The following DLG2 variants were observed in gnomAD, a reference collection of about 807,000 sequenced individuals.
DLG2 encodes the protein discs large MAGUK scaffold protein 2.
Under a neutral mutation model 132.5 loss-of-function variants are expected in DLG2, and 45 were observed. The ratio of observed to expected loss-of-function variants is 0.34; its 90% CI spans 0.27 to 0.44. The LOEUF is 0.44. DLG2 is among the 20% of genes least tolerant of loss of function. DLG2 has a pLI of 1.00. For synonymous variants in DLG2, 424 were observed against 419.6 expected, an observed-to-expected ratio of 1.01 and a Z score of -0.13; for missense variants, 1,045 against 1,196.9, an observed-to-expected ratio of 0.87 and a Z score of 1.87.
At chr11:84,754,451 T>C (rs576627215) in intron 6 of DLG2, among the ~76,000 whole-genome samples, 12 of 152,276 alleles carry the variant, frequency 7.9e-5, no homozygotes, top group Admixed American at 6.5e-4. Flanking sequence ...TCTTATTTAA[T>C]AGATAAATAA....
chr11:83,907,002 G>A (rs1320636209), intron 15 of DLG2, among the ~76,000 whole-genome samples: 1 of 152,170 alleles, frequency 6.6e-6, no homozygotes, highest in Non-Finnish European at 1.5e-5. Context: ...TAAGAAGGAA[G>A]AGCCAGTTTC....
At chr11:85,269,310 C>T (rs2077390208) in intron 4 of DLG2, among the ~76,000 whole-genome samples, 1 of 152,202 alleles carries the variant, frequency 6.6e-6, no homozygotes, top group African/African-American at 2.4e-5. Flanking sequence ...GGTTGGCCTG[C>T]TCAGGTCTTT....
At chr11:85,020,928 C>A in intron 6 of DLG2, 1 of 771,552 alleles carries the variant, frequency 1.3e-6, no homozygotes, top group South Asian at 1.3e-5. Context: ...ATCTGCACCG[C>A]CCTCAGACTC....
chr11:84,502,230 CCTTCCTTCCTTCCTTCCTTCCTTCCT>C lies in DLG2; in HGVS notation c.519+32314_519+32339del, dbSNP rs2099213365. 9.0e-5 allele frequency among the ~76,000 whole-genome samples: 2 copies of C among 22,204 alleles called. 1 individual carries two copies. The highest frequency in any genetic ancestry group is 1.6e-4 in the Non-Finnish European group (2 of 12,486). The allele number at this position is 22,204 out of a possible 152,430, so 14.6% of individuals were successfully genotyped here. ...TCCTTCCTTCCTTCCTTCCTTCCTT[CCTTCCTTCCTTCCTTCCTTCCTTCCT>C]TCCTTCCTTCCTTCCTTCCTTCCTT... On this transcript the variant is annotated intron_variant, in intron 7 of 27. Transcript: ENST00000376104.
chr11:84,935,345 A>G (rs186514915), intron 6 of DLG2, among the ~76,000 whole-genome samples: 190 of 152,268 alleles, frequency 1.2e-3, no homozygotes, highest in African/African-American at 4.4e-3. Flanking sequence ...TCTGTTCCTC[A>G]CAAGTTTGCT....
At chr11:85,156,244 T>C (rs1346017184) in intron 4 of DLG2, among the ~76,000 whole-genome samples, 1 of 152,288 alleles carries the variant, frequency 6.6e-6, no homozygotes, top group Non-Finnish European at 1.5e-5. Flanking sequence ...TAAATGTATA[T>C]GTATATATAT....
chr11:84,497,777 A>G (rs2099188990), intron 7 of DLG2, among the ~76,000 whole-genome samples: 1 of 152,152 alleles, frequency 6.6e-6, no homozygotes, highest in Non-Finnish European at 1.5e-5. Flanking sequence ...TGACATTCAC[A>G]TGCCGTTATA....
At chr11:83,547,034 T>C (rs2096259952) in intron 19 of DLG2, among the ~76,000 whole-genome samples, 1 of 152,128 alleles carries the variant, frequency 6.6e-6, no homozygotes, top group Non-Finnish European at 1.5e-5. Context: ...AAGCAACTCT[T>C]TCCAGCTCAA....
intron 6 of DLG2, among the ~76,000 whole-genome samples, chr11:85,096,341 T>G (rs2069766110): frequency 1.3e-5 from 2 of 152,204 alleles, no homozygotes; most frequent in African/African-American, 4.8e-5. Context: ...TAACACTCAC[T>G]GCAAGGGTCT....
intron 3 of DLG2, among the ~76,000 whole-genome samples, chr11:85,446,369 T>G (rs1243253412): frequency 5.3e-5 from 8 of 152,218 alleles, no homozygotes; most frequent in Admixed American, 6.5e-5. Flanking sequence ...TATAGATTTC[T>G]AAGAGAAATT....
At chr11:84,088,680 C>A (rs1315218441) in intron 10 of DLG2, among the ~76,000 whole-genome samples, 1 of 152,112 alleles carries the variant, frequency 6.6e-6, no homozygotes, top group Non-Finnish European at 1.5e-5. Context: ...TCTATAAATA[C>A]AATTAGGGCT....
intron 7 of DLG2, among the ~76,000 whole-genome samples, chr11:84,375,187 T>C (rs1286538876): frequency 2.0e-5 from 3 of 152,182 alleles, no homozygotes; most frequent in African/African-American, 4.8e-5. Flanking sequence ...TATTAACTGA[T>C]TATGTGAATA....
chr11:85,277,437 A>T (rs1335682094), intron 4 of DLG2, among the ~76,000 whole-genome samples: 1 of 152,178 alleles, frequency 6.6e-6, no homozygotes, highest in Admixed American at 6.5e-5. Flanking sequence ...TATTTCTGGT[A>T]AGTATGAATG....
At chr11:83,791,241 C>A in intron 17 of DLG2, 1 of 655,584 alleles carries the variant, frequency 1.5e-6, no homozygotes, top group Admixed American at 2.5e-5. Context: ...TAAAGACTAT[C>A]GGTGCTGAGG....
intron 7 of DLG2, among the ~76,000 whole-genome samples, chr11:84,436,230 T>C (rs1307472788): frequency 6.6e-6 from 1 of 152,174 alleles, no homozygotes; most frequent in Non-Finnish European, 1.5e-5. Flanking sequence ...AGTTACGTTC[T>C]AAAATTGTCA....
At chr11:84,190,397 G>T (rs2096383221) in intron 8 of DLG2, among the ~76,000 whole-genome samples, 1 of 152,170 alleles carries the variant, frequency 6.6e-6, no homozygotes, top group South Asian at 2.1e-4. Context: ...AGGTTACAAA[G>T]TTGGATTTGG....
At chr11:83,660,423 C>A (rs1243393230) in intron 18 of DLG2, among the ~76,000 whole-genome samples, 1 of 152,122 alleles carries the variant, frequency 6.6e-6, no homozygotes, top group African/African-American at 2.4e-5. Context: ...ACAACAAAAT[C>A]CACATTGGTG....
chr11:84,250,103 CT>C (rs1193983932), intron 8 of DLG2, among the ~76,000 whole-genome samples: 1 of 152,174 alleles, frequency 6.6e-6, no homozygotes, highest in African/African-American at 2.4e-5. Flanking sequence ...ACTAGACACA[CT>C]TTGTTTGGCA....
intron 16 of DLG2, among the ~76,000 whole-genome samples, chr11:83,836,029 T>C (rs550987520): frequency 6.6e-6 from 1 of 152,198 alleles, no homozygotes; most frequent in East Asian, 1.9e-4. Context: ...GGCTGGCAAA[T>C]TGGAGACCGA....
Sources: allele counts gnomAD v4.1 joint callset (sites outside exome capture counted in the v4.1 genomes callset), GRCh38; gene constraint gnomAD v4.1.1; transcripts MANE v1.5; gene names NCBI Gene and HGNC (gene_info 2026-07-23, HGNC 2026-07-21).